The following KCNJ6 variants were observed in gnomAD, a reference collection of about 807,000 sequenced individuals.
KCNJ6 encodes potassium inwardly rectifying channel subfamily J member 6.
A neutral mutation model predicts 34.2 loss-of-function variants in KCNJ6; 9 were observed. That is an observed-to-expected ratio of 0.26 (90% confidence interval 0.16 to 0.46). KCNJ6 has a LOEUF of 0.46. Ranked by LOEUF, KCNJ6 falls within the 20% of genes least tolerant of loss-of-function variation. The pLI is 1.00. For missense variants in KCNJ6, 236 were observed against 531.3 expected, an observed-to-expected ratio of 0.44 and a Z score of 5.46; for synonymous variants, 196 against 207.1, an observed-to-expected ratio of 0.95 and a Z score of 0.46.
intron 1 of KCNJ6, among the ~76,000 whole-genome samples, chr21:37,889,273 C>T (rs1031414941): frequency 6.6e-6 from 1 of 152,188 alleles, no homozygotes; most frequent in Admixed American, 6.5e-5. Context: ...TGTGAGATTC[C>T]TATCTGCAAT....
intron 1 of KCNJ6, among the ~76,000 whole-genome samples, chr21:37,857,830 C>T (rs2055572785): frequency 6.6e-6 from 1 of 151,726 alleles, no homozygotes; most frequent in Non-Finnish European, 1.5e-5. Context: ...AATGGTAAAG[C>T]AAATATAGAA....
chr21:37,666,175 G>C (rs953555558), intron 3 of KCNJ6, among the ~76,000 whole-genome samples: 1 of 152,172 alleles, frequency 6.6e-6, no homozygotes, highest in African/African-American at 2.4e-5. Context: ...AGGCTCAGAG[G>C]GGAGAAGATG....
chr21:37,672,801 T>A (rs71332598), intron 3 of KCNJ6, among the ~76,000 whole-genome samples: 2 of 152,038 alleles, frequency 1.3e-5, no homozygotes, highest in African/African-American at 2.4e-5. Context: ...TTTCTTGAGA[T>A]AGGATCTGGC....
chr21:37,900,396 C>G (rs2055811040), intron 1 of KCNJ6, among the ~76,000 whole-genome samples: 1 of 152,190 alleles, frequency 6.6e-6, no homozygotes, highest in South Asian at 2.1e-4. Context: ...ATATCGAGTA[C>G]CTACTATGTG....
At chr21:37,776,359 C>A (rs1297208148) in intron 2 of KCNJ6, among the ~76,000 whole-genome samples, 1 of 152,198 alleles carries the variant, frequency 6.6e-6, no homozygotes, top group Non-Finnish European at 1.5e-5. Context: ...TGCCTGATTT[C>A]CCTGGCCAGA....
intron 1 of KCNJ6, among the ~76,000 whole-genome samples, chr21:37,871,144 G>A (rs563150179): frequency 5.3e-5 from 8 of 152,274 alleles, no homozygotes; most frequent in Non-Finnish European, 7.4e-5. Context: ...GGAGGGGACA[G>A]TTTCAAGTGG....
At chr21:37,782,116 G>A (rs1248148495) in intron 2 of KCNJ6, among the ~76,000 whole-genome samples, 2 of 152,136 alleles carry the variant, frequency 1.3e-5, no homozygotes, top group African/African-American at 4.8e-5. Flanking sequence ...AGACGGATGG[G>A]GTGGGAAAAG....
At chr21:37,885,911 T>A (rs2055733266) in intron 1 of KCNJ6, among the ~76,000 whole-genome samples, 1 of 152,190 alleles carries the variant, frequency 6.6e-6, no homozygotes, top group Non-Finnish European at 1.5e-5. Flanking sequence ...CCTTCTGCCC[T>A]CCAAACTTGC....
chr21:37,879,714 AGTGTGTGTGTGT>A lies in KCNJ6; in HGVS notation c.-28+36158_-28+36169del, dbSNP rs56736533. Among the ~76,000 whole-genome samples, 515 of 143,346 alleles carry A rather than the reference AGTGTGTGTGTGT, an allele frequency of 3.6e-3. 1 individual carries two copies. Among genetic ancestry groups the A allele is most frequent in the Non-Finnish European group, 5.0e-3 (326 of 65,664 alleles). 94.0% of individuals were successfully genotyped at this position (143,346 alleles called of 152,430 possible). A position where few individuals can be genotyped will look rare whatever the true frequency, so the allele number is the denominator to read the frequency against. ...AAACTCAATGTCTGCCTTGAAATGAAGTGTGTGTGTGTGTGTGTGTGTGTGTGTGTGTGTGTG... is the reference window on the plus strand; with the variant it reads ...AAACTCAATGTCTGCCTTGAAATGAAGTGTGTGTGTGTGTGTGTGTGTGTG... On this transcript the variant is annotated intron_variant, in intron 1 of 3. Transcript: ENST00000609713.
chr21:37,804,715 C>T (rs2055285367), intron 2 of KCNJ6, among the ~76,000 whole-genome samples: 1 of 152,140 alleles, frequency 6.6e-6, no homozygotes, highest in South Asian at 2.1e-4. Context: ...GGATAATGGC[C>T]TACAGCTCCA....
At chr21:37,628,496 A>C (rs2054320448) in intron 3 of KCNJ6, among the ~76,000 whole-genome samples, 1 of 152,186 alleles carries the variant, frequency 6.6e-6, no homozygotes, top group African/African-American at 2.4e-5. Context: ...GAGGTATAGA[A>C]AGAAAAAAGA....
chr21:37,796,786 T>TC (rs1235720645), intron 2 of KCNJ6, among the ~76,000 whole-genome samples: 1 of 127,080 alleles, frequency 7.9e-6, no homozygotes, highest in Non-Finnish European at 1.7e-5. Flanking sequence ...TTTCTTTTTT[T>TC]TTTTTTTTTT....
intron 1 of KCNJ6, among the ~76,000 whole-genome samples, chr21:37,852,835 GAGA>G (rs1237643636): frequency 2.0e-5 from 3 of 152,120 alleles, no homozygotes; most frequent in South Asian, 4.1e-4. Flanking sequence ...AGCACTTATG[GAGA>G]AGAACTGGAA....
chr21:37,802,267 T>C (rs1313449629), intron 2 of KCNJ6, among the ~76,000 whole-genome samples: 3 of 152,184 alleles, frequency 2.0e-5, no homozygotes, highest in African/African-American at 7.2e-5. Flanking sequence ...CCTGGGAGAC[T>C]GTGGCAGGCT....
chr21:37,654,726 C>T (rs1243924134), intron 3 of KCNJ6, among the ~76,000 whole-genome samples: 2 of 152,172 alleles, frequency 1.3e-5, no homozygotes, highest in Non-Finnish European at 2.9e-5. Flanking sequence ...AATGACTGGT[C>T]CCAGGGACAG....
Position 37,715,094 on chromosome 21 carries a change from G to A in KCNJ6, c.63C>T (p.Val21=), listed in dbSNP as rs762731275. 25 of 1,613,978 alleles carry A rather than the reference G, an allele frequency of 1.5e-5. No individual in the cohort carries two copies. The highest frequency in any genetic ancestry group is 2.2e-5 in the East Asian group (1 of 44,896). Residue 21 remains valine (V), a synonymous_variant, in exon 3 of 4, where the codon GTC becomes GTT. Transcript: ENST00000609713. ...VLEGDSMDQD[V]ESPVAIHQPK... The stretch of plus-strand genomic sequence containing the variant: ...GCTGGTGAATGGCCACTGGGCTTTC[G>A]ACGTCCTGATCCATGGAGTCGCCCT...
chr21:37,712,470 TCC>T (rs1437475582), intron 3 of KCNJ6, among the ~76,000 whole-genome samples: 9 of 90,308 alleles, frequency 1.0e-4, no homozygotes, highest in South Asian at 8.1e-4. Context: ...TCCTCCTCTC[TCC>T]CTCCTCCCTT....
chr21:37,731,413 T>C (rs1160786501), intron 2 of KCNJ6, among the ~76,000 whole-genome samples: 1 of 152,174 alleles, frequency 6.6e-6, no homozygotes, highest in Non-Finnish European at 1.5e-5. Context: ...TACAAAATCA[T>C]AAGTTGGGAA....
chr21:37,842,870 G>A (rs868762605), intron 1 of KCNJ6, among the ~76,000 whole-genome samples: 16 of 152,274 alleles, frequency 1.1e-4, no homozygotes, highest in African/African-American at 2.6e-4. Flanking sequence ...CTGTCTCTGC[G>A]TGTCCTGTCA....
Sources: allele counts gnomAD v4.1 joint callset (sites outside exome capture counted in the v4.1 genomes callset), GRCh38; gene constraint gnomAD v4.1.1; transcripts MANE v1.5; gene names NCBI Gene and HGNC (gene_info 2026-07-23, HGNC 2026-07-21).